The following MTHFSD variants were observed in gnomAD, a reference collection of about 807,000 sequenced individuals.
MTHFSD encodes the protein methenyltetrahydrofolate synthase domain-containing protein.
Under a neutral mutation model 31.1 loss-of-function variants are expected in MTHFSD, and 37 were observed. That is an observed-to-expected ratio of 1.19 (90% CI 0.91 to 1.56). The LOEUF is 1.56. Ranked by LOEUF, MTHFSD falls within the 40% of genes most tolerant of loss-of-function variation. The probability of loss-of-function intolerance (pLI) is 0.00; values close to 1 mark genes in which losing one functional copy is unlikely to be tolerated. For missense variants in MTHFSD, 664 were observed against 510.1 expected, an observed-to-expected ratio of 1.30 and a Z score of -2.91; for synonymous variants, 221 against 206.9, an observed-to-expected ratio of 1.07 and a Z score of -0.59.
intron 7 of MTHFSD, among the ~76,000 whole-genome samples, chr16:86,536,551 T>C (rs554033049): frequency 6.6e-6 from 1 of 152,154 alleles, no homozygotes; most frequent in Non-Finnish European, 1.5e-5. Flanking sequence ...AAGGCCTGCA[T>C]CTCCCAACAG....
intron 1 of MTHFSD, 73 bp downstream of exon 1, chr16:86,555,096 C>T: frequency 6.6e-7 from 1 of 1,518,072 alleles, no homozygotes; most frequent in African/African-American, 1.4e-5. Context: ...CCGGTGGCCC[C>T]GCCTCGACCC....
At chr16:86,541,852 T>C (rs1192615678) in intron 6 of MTHFSD, 30 bp from the exon 7 acceptor site, 2 of 1,612,594 alleles carry the variant, frequency 1.2e-6, no homozygotes, top group Admixed American at 1.7e-5. Context: ...ATAAAGGGGC[T>C]GCTGGGAATG....
At position 86,532,116 on chromosome 16, in the gene MTHFSD, GT is replaced by G; in HGVS notation, c.1046del (p.Tyr349SerfsTer24). ...QGPRRRAFLH[Y>X]PDSAAAQQAV... ...CCTGCTGGGCTGCGGCAGAGTCCGG[GT>G]AATGGAGGAAGGCTCTGCGCCGCGG... On this transcript the variant is annotated frameshift_variant, in exon 8 of 8. Transcript: ENST00000360900. LOFTEE classifies it low-confidence loss of function (END_TRUNC). 6.5e-7 allele frequency: 1 copy of G among 1,548,808 alleles called. No homozygotes were observed. Among genetic ancestry groups the G allele is most frequent in the Middle Eastern group, 1.8e-4 (1 of 5,708 alleles).
chr16:86,547,491 A>C (rs1255226517), intron 4 of MTHFSD: 1 of 986,152 alleles, frequency 1.0e-6, no homozygotes, highest in Non-Finnish European at 1.2e-6. Flanking sequence ...AAGGGGGCTT[A>C]GTCCAGGAAA....
intron 7 of MTHFSD, chr16:86,541,035 G>C (rs894758315): frequency 2.5e-5 from 30 of 1,187,802 alleles, no homozygotes; most frequent in Non-Finnish European, 3.2e-5. Flanking sequence ...GGGAGACGTG[G>C]ACACGTATGC....
At chr16:86,554,066 C>A (rs189626782) in intron 2 of MTHFSD, among the ~76,000 whole-genome samples, 8 of 152,152 alleles carry the variant, frequency 5.3e-5, no homozygotes, top group Admixed American at 2.6e-4. Context: ...GTGGGTGGGG[C>A]CAGATAAGAG....
chr16:86,546,575 G>A lies in MTHFSD; in HGVS notation c.426C>T (p.Val142=), dbSNP rs377000798. The A allele has an allele frequency of 1.4e-5, 22 of 1,613,822 alleles. No individual in the cohort carries two copies. The highest frequency in any genetic ancestry group is 6.7e-5 in the Admixed American group (4 of 59,998). The change falls in exon 5 of 8, where the codon GTC becomes GTT. Residue 142 remains valine (V), a synonymous_variant. Transcript: ENST00000360900. The part of the protein sequence containing the change: ...VLVDLVVVGS[V]AVSEKGWRIG... ...TAGTCTTACCTTTTTCAGAAACGGCGACGGATCCCACCACAACTAAATCCA... is the reference window on the plus strand; with the variant it reads ...TAGTCTTACCTTTTTCAGAAACGGCAACGGATCCCACCACAACTAAATCCA...
At chr16:86,550,674 G>A (rs1473702689) in intron 3 of MTHFSD, among the ~76,000 whole-genome samples, 1 of 152,204 alleles carries the variant, frequency 6.6e-6, no homozygotes. Context: ...ACTGCGCCTC[G>A]AATGCAGTGA....
chr16:86,554,705 C>T lies in MTHFSD; in HGVS notation c.63G>A (p.Met21Ile), dbSNP rs533669281. The change falls in exon 2 of 8, where the codon ATG (methionine) becomes ATA (isoleucine). Residue 21 changes from methionine (M) to isoleucine (I), a missense_variant. Met to Ile is a conservative substitution (Grantham distance 10). Coordinates refer to ENST00000360900, the MANE Select transcript of MTHFSD (RefSeq NM_001159377.2). ...GAAAGTCAGCTAAATTTTGTGATTC[C>T]ATGTAGCCCCAAATTTGTTCACGTA... is the stretch of plus-strand genomic sequence containing the variant. ...QDIREQIWGYMESQNLADFPR... is the reference protein window; with the variant it reads ...QDIREQIWGYIESQNLADFPR... 6.2e-7 allele frequency: 1 copy of T among 1,614,166 alleles called. No homozygotes were observed. The highest frequency in any genetic ancestry group is 8.5e-7 in the Non-Finnish European group (1 of 1,180,018).
Position 86,532,233 on chromosome 16 carries a change from A to G in MTHFSD, c.930T>C (p.Val310=), listed in dbSNP as rs1454283459. ...EGAPLAADVY[V]GNLPGDARVS... is the part of the protein sequence containing the mutation. Reference sequence around the variant, plus strand: ...CACGGGCGTCCCCGGGGAGGTTCCCAACGTAAACATCGGCTGCAAGCGGGG... The same window carrying G: ...CACGGGCGTCCCCGGGGAGGTTCCCGACGTAAACATCGGCTGCAAGCGGGG... The change falls in exon 8 of 8, where the codon GTT becomes GTC. Residue 310 remains valine, a synonymous_variant. Transcript: ENST00000360900. 1.3e-6 allele frequency: 2 copies of G among 1,572,136 alleles called. No homozygotes were observed. The highest frequency in any genetic ancestry group is 1.4e-5 in the African/African-American group (1 of 73,422).
chr16:86,539,851 C>T (rs1045274675), intron 7 of MTHFSD, among the ~76,000 whole-genome samples: 6 of 152,096 alleles, frequency 3.9e-5, no homozygotes, highest in Non-Finnish European at 8.8e-5. Context: ...TCACATCCTT[C>T]ATCAAGAGAT....
At chr16:86,551,401 C>CA (rs1374373242) in intron 3 of MTHFSD, among the ~76,000 whole-genome samples, 4 of 152,142 alleles carry the variant, frequency 2.6e-5, no homozygotes, top group Non-Finnish European at 5.9e-5. Flanking sequence ...ACAACTGTGG[C>CA]AAAAAGAACT....
At chr16:86,540,019 A>G (rs1363552836) in intron 7 of MTHFSD, among the ~76,000 whole-genome samples, 1 of 152,220 alleles carries the variant, frequency 6.6e-6, no homozygotes. Flanking sequence ...CTAGCACTGA[A>G]CTGTCCGCCT....
intron 5 of MTHFSD, 41 bp downstream of exon 5, chr16:86,546,518 C>T (rs1227199011): frequency 1.9e-6 from 3 of 1,571,736 alleles, no homozygotes; most frequent in Non-Finnish European, 1.8e-6. Flanking sequence ...CGCCTTCAGG[C>T]AGAGCTGTCA....
intron 6 of MTHFSD, 33 bp from the exon 7 acceptor site, chr16:86,541,855 T>C: frequency 2.5e-6 from 4 of 1,611,256 alleles, no homozygotes. Context: ...AAGGGGCTGC[T>C]GGGAATGCCA....
chr16:86,544,796 G>A (rs1053127728), intron 5 of MTHFSD, among the ~76,000 whole-genome samples: 2 of 152,156 alleles, frequency 1.3e-5, no homozygotes, highest in African/African-American at 4.8e-5. Context: ...ACAATGACAT[G>A]GAATCAACCC....
chr16:86,552,320 G>C (rs149343999), intron 2 of MTHFSD, 174 bp from the exon 3 acceptor site: 37 of 1,529,206 alleles, frequency 2.4e-5, no homozygotes, highest in East Asian at 1.5e-4. Context: ...GCACGTTACT[G>C]AAAGGACAGC....
chr16:86,554,948 T>G (rs1459939090), intron 1 of MTHFSD, 197 bp from the exon 2 acceptor site: 4 of 1,247,082 alleles, frequency 3.2e-6, no homozygotes, highest in Non-Finnish European at 4.3e-6. Context: ...CCGCCTCGTC[T>G]TCTCGTTATC....
chr16:86,545,852 A>G (rs1173287375), intron 5 of MTHFSD, among the ~76,000 whole-genome samples: 1 of 152,232 alleles, frequency 6.6e-6, no homozygotes, highest in African/African-American at 2.4e-5. Context: ...CCCAGCCCCG[A>G]TGACACAGAC....
Sources: allele counts gnomAD v4.1 joint callset (sites outside exome capture counted in the v4.1 genomes callset), GRCh38; gene constraint gnomAD v4.1.1; transcripts MANE v1.5; gene names NCBI Gene and HGNC (gene_info 2026-07-23, HGNC 2026-07-21).